Variants in METTL15 observed in about 807,000 individuals in gnomAD.
The protein encoded by METTL15 is 12S rRNA N(4)-cytidine methyltransferase METTL15.
METTL15 carries 34 observed loss-of-function variants against 38.3 expected under a neutral mutation model. The ratio of observed to expected loss-of-function variants is 0.89; its 90% CI spans 0.68 to 1.18. METTL15 has a LOEUF of 1.18. Among genes scored for constraint, METTL15 ranks in the 50% most tolerant of loss-of-function variants. The probability of loss-of-function intolerance (pLI) is 0.00; values close to 1 mark genes in which losing one functional copy is unlikely to be tolerated. For synonymous variants in METTL15, 162 were observed against 170.9 expected, an observed-to-expected ratio of 0.95 and a Z score of 0.41; for missense variants, 438 against 498.4, an observed-to-expected ratio of 0.88 and a Z score of 1.15.
At chr11:28,352,424 T>C (rs772717938) in intron 4 of METTL15, among the ~76,000 whole-genome samples, 10 of 152,116 alleles carry the variant, frequency 6.6e-5, no homozygotes, top group Non-Finnish European at 1.0e-4. Flanking sequence ...TCAGTAAATA[T>C]TTGTGGACCT....
At chr11:28,362,171 A>G (rs900579106) in intron 5 of METTL15, 5 of 152,196 alleles carry the variant, frequency 3.3e-5, no homozygotes, top group Non-Finnish European at 7.3e-5. Flanking sequence ...TAGAAATAGC[A>G]TTAGACAAAT....
At chr11:28,203,955 A>G (rs1852212263) in intron 3 of METTL15, among the ~76,000 whole-genome samples, 1 of 152,050 alleles carries the variant, frequency 6.6e-6, no homozygotes, top group African/African-American at 2.4e-5. Context: ...GACTCTAAAA[A>G]GTTGGACATC....
chr11:28,300,950 T>C (rs1472013710), intron 6 of METTL15, among the ~76,000 whole-genome samples: 1 of 152,154 alleles, frequency 6.6e-6, no homozygotes, highest in Non-Finnish European at 1.5e-5. Flanking sequence ...AGCCTCTTCA[T>C]CTTCATCTCT....
intron 3 of METTL15, among the ~76,000 whole-genome samples, chr11:28,138,058 G>A (rs1849573397): frequency 6.6e-6 from 1 of 152,070 alleles, no homozygotes; most frequent in Non-Finnish European, 1.5e-5. Flanking sequence ...GACAAAAACA[G>A]ATTTTGAGAG....
chr11:28,374,719 A>G (rs1412803061), intron 5 of METTL15, among the ~76,000 whole-genome samples: 1 of 151,572 alleles, frequency 6.6e-6, no homozygotes, highest in South Asian at 2.1e-4. Context: ...AGGAGTGGTG[A>G]GAGAGGGCAT....
intron 6 of METTL15, among the ~76,000 whole-genome samples, chr11:28,319,974 G>A (rs1397640678): frequency 6.6e-6 from 1 of 152,084 alleles, no homozygotes; most frequent in Non-Finnish European, 1.5e-5. Flanking sequence ...ACTCTCATAT[G>A]AGCATGTATA....
chr11:28,229,135 C>G (rs544764989), intron 4 of METTL15, among the ~76,000 whole-genome samples: 14 of 151,954 alleles, frequency 9.2e-5, no homozygotes, highest in African/African-American at 2.9e-4. Context: ...TTTATCATAA[C>G]ATTGTTTAAT....
In METTL15 at chr11:28,219,172, G is replaced by C. The variant is rs1162630219; in HGVS notation, c.407+7974G>C. Reference sequence around the variant, plus strand: ...CTTGTACCTCTGGTAGAATTAGGCTGTGAGTCTGTCTGGTCCTGGACTTTT... The same window carrying C: ...CTTGTACCTCTGGTAGAATTAGGCTCTGAGTCTGTCTGGTCCTGGACTTTT... On this transcript the variant is annotated intron_variant, in intron 4 of 6. Coordinates refer to ENST00000407364, the MANE Select transcript of METTL15 (RefSeq NM_001113528.2). Among the ~76,000 whole-genome samples, 4 of 152,156 alleles carry C rather than the reference G, an allele frequency of 2.6e-5. No individual in the cohort carries two copies. The East Asian group carries it at 7.7e-4, about 29-fold the overall frequency.
At chr11:28,401,661 G>T (rs1297428237) in intron 5 of METTL15, among the ~76,000 whole-genome samples, 1 of 151,800 alleles carries the variant, frequency 6.6e-6, no homozygotes, top group Non-Finnish European at 1.5e-5. Context: ...ACCTGCATTT[G>T]GCTCTTGCTG....
intron 4 of METTL15, among the ~76,000 whole-genome samples, chr11:28,257,408 G>C (rs777994350): frequency 1.3e-5 from 2 of 152,018 alleles, no homozygotes; most frequent in Non-Finnish European, 2.9e-5. Flanking sequence ...TAACTTTCTC[G>C]TACTTGAAAA....
chr11:28,506,510 C>T (rs1851628247), intron 6 of METTL15, among the ~76,000 whole-genome samples: 1 of 152,076 alleles, frequency 6.6e-6, no homozygotes, highest in African/African-American at 2.4e-5. Context: ...AGAGTGGTAA[C>T]TATTATTATA....
chr11:28,127,802 A>G (rs1852559528), intron 3 of METTL15, among the ~76,000 whole-genome samples: 1 of 152,102 alleles, frequency 6.6e-6, no homozygotes, highest in African/African-American at 2.4e-5. Flanking sequence ...ATTTTATGTA[A>G]ACTTTTATTT....
intron 6 of METTL15, among the ~76,000 whole-genome samples, chr11:28,481,429 C>T (rs951300706): frequency 3.9e-5 from 6 of 152,136 alleles, no homozygotes; most frequent in Admixed American, 2.6e-4. Context: ...ACACAAAAGG[C>T]GGTAGGAGAC....
chr11:28,224,413 A>AT (rs1268070405), intron 4 of METTL15, among the ~76,000 whole-genome samples: 2 of 151,884 alleles, frequency 1.3e-5, no homozygotes, highest in African/African-American at 4.8e-5. Context: ...TCTTAGTGAA[A>AT]TTTTTTCTTA....
chr11:28,440,211 T>A (rs1455073240), intron 6 of METTL15, among the ~76,000 whole-genome samples: 3 of 152,152 alleles, frequency 2.0e-5, no homozygotes, highest in Non-Finnish European at 4.4e-5. Context: ...TTCGTGTTAC[T>A]AGATATAGAG....
intron 5 of METTL15, among the ~76,000 whole-genome samples, chr11:28,420,889 A>G (rs1850813824): frequency 6.6e-6 from 1 of 152,078 alleles, no homozygotes. Flanking sequence ...TGAAATTGAA[A>G]TGAAGAAACA....
intron 5 of METTL15, among the ~76,000 whole-genome samples, chr11:28,391,292 A>G (rs1850503749): frequency 6.6e-6 from 1 of 152,062 alleles, no homozygotes; most frequent in African/African-American, 2.4e-5. Context: ...GAGAGAGGGC[A>G]TCCGTGTCTT....
chr11:28,395,087 A>C (rs1850554395), intron 5 of METTL15, among the ~76,000 whole-genome samples: 1 of 152,074 alleles, frequency 6.6e-6, no homozygotes, highest in Non-Finnish European at 1.5e-5. Flanking sequence ...CCACAAGCTT[A>C]TTGTATTTGA....
At chr11:28,319,174 A>G (rs1329022548) in intron 6 of METTL15, among the ~76,000 whole-genome samples, 5 of 152,142 alleles carry the variant, frequency 3.3e-5, no homozygotes, top group Non-Finnish European at 5.9e-5. Flanking sequence ...TCTCTCAGTA[A>G]AAGCCTATTC....
Sources: allele counts gnomAD v4.1 joint callset (sites outside exome capture counted in the v4.1 genomes callset), GRCh38; gene constraint gnomAD v4.1.1; transcripts MANE v1.5; gene names NCBI Gene and HGNC (gene_info 2026-07-23, HGNC 2026-07-21).